SNTG1: variants seen among roughly 807,000 people sequenced by gnomAD.
The protein encoded by SNTG1 is gamma-1-syntrophin.
A neutral mutation model predicts 74.7 loss-of-function variants in SNTG1; 39 were observed. That is an observed-to-expected ratio of 0.52 (90% CI 0.40 to 0.68). SNTG1 has a LOEUF of 0.68. SNTG1 is among the 30% of genes least tolerant of loss of function. The probability of loss-of-function intolerance (pLI) is 0.00; values close to 1 mark genes in which losing one functional copy is unlikely to be tolerated. For synonymous variants in SNTG1, 254 were observed against 217.1 expected (o/e 1.17, Z -1.49); for missense variants, 685 against 609.5 (o/e 1.12, Z -1.30).
chr8:49,993,288 C>T (rs1230685156), intron 1 of SNTG1, among the ~76,000 whole-genome samples: 2 of 151,924 alleles, frequency 1.3e-5, no homozygotes, highest in African/African-American at 2.4e-5. Context: ...GATTCTTTGA[C>T]ACTCACTCTA....
intron 1 of SNTG1, among the ~76,000 whole-genome samples, chr8:49,990,397 C>T (rs1270207366): frequency 6.6e-6 from 1 of 151,906 alleles, no homozygotes; most frequent in African/African-American, 2.4e-5. Flanking sequence ...AGCTTGGTTA[C>T]TTATACAATT....
chr8:50,269,167 C>T (rs2130249385), intron 2 of SNTG1, among the ~76,000 whole-genome samples: 2 of 152,176 alleles, frequency 1.3e-5, no homozygotes, highest in Middle Eastern at 6.8e-3. Flanking sequence ...ATATCTAAAA[C>T]TGGGCTAAGA....
intron 2 of SNTG1, among the ~76,000 whole-genome samples, chr8:50,342,423 T>C (rs542525830): frequency 6.6e-6 from 1 of 152,282 alleles, no homozygotes; most frequent in East Asian, 1.9e-4. Context: ...CAAGAAATGT[T>C]CGTGGTGAAC....
intron 13 of SNTG1, among the ~76,000 whole-genome samples, chr8:50,612,275 T>G (rs1430281127): frequency 6.6e-6 from 1 of 152,186 alleles, no homozygotes; most frequent in African/African-American, 2.4e-5. Context: ...TACAGGATCT[T>G]TTACACATTC....
intron 1 of SNTG1, among the ~76,000 whole-genome samples, chr8:50,107,304 G>T (rs984906705): frequency 2.6e-5 from 4 of 152,034 alleles, no homozygotes; most frequent in Non-Finnish European, 1.5e-5. Context: ...TTAGCATTCT[G>T]GAAGGAATAT....
At chr8:50,286,318 G>T (rs2088780442) in intron 2 of SNTG1, among the ~76,000 whole-genome samples, 1 of 152,090 alleles carries the variant, frequency 6.6e-6, no homozygotes, top group African/African-American at 2.4e-5. Flanking sequence ...CCTATGTGGG[G>T]GCTGTATCTG....
intron 4 of SNTG1, among the ~76,000 whole-genome samples, chr8:50,409,529 C>G (rs2092921252): frequency 6.6e-6 from 1 of 152,160 alleles, no homozygotes. Flanking sequence ...GACTGTTGAT[C>G]AGAATGATGC....
intron 2 of SNTG1, among the ~76,000 whole-genome samples, chr8:50,191,724 C>G (rs755017818): frequency 7.9e-5 from 12 of 152,034 alleles, no homozygotes; most frequent in Non-Finnish European, 1.3e-4. Flanking sequence ...CTCTACCTCC[C>G]CTTTCTCCTC....
intron 13 of SNTG1, among the ~76,000 whole-genome samples, chr8:50,601,176 A>AAAAAAAAAAAAAAAAAAAAAAAAAAAC (rs2094772028): frequency 6.7e-6 from 1 of 148,662 alleles, no homozygotes; most frequent in African/African-American, 2.5e-5. Context: ...AAAAAAAAAA[A>AAAAAAAAAAAAAAAAAAAAAAAAAAAC]AAAAAAAAGA....
intron 18 of SNTG1, chr8:50,762,881 T>C (rs1433276941): frequency 6.7e-6 from 2 of 299,500 alleles, no homozygotes; most frequent in Non-Finnish European, 6.8e-6. Flanking sequence ...TTAGCTATTT[T>C]TAAATGTTTT....
chr8:50,386,492 TA>T (rs147000341), intron 2 of SNTG1, among the ~76,000 whole-genome samples: 7,377 of 152,124 alleles, frequency 0.048, 241 homozygotes, highest in Non-Finnish European at 0.07. Context: ...CGTCCTTCTT[TA>T]TGTGGCCCGA....
intron 1 of SNTG1, among the ~76,000 whole-genome samples, chr8:50,153,168 C>T (rs2082130883): frequency 1.3e-5 from 2 of 152,178 alleles, no homozygotes; most frequent in African/African-American, 4.8e-5. Context: ...TCTTCAATCA[C>T]TGATACCCTT....
chr8:50,093,371 ACAT>A (rs1363612444), intron 1 of SNTG1, among the ~76,000 whole-genome samples: 1 of 152,118 alleles, frequency 6.6e-6, no homozygotes, highest in Non-Finnish European at 1.5e-5. Flanking sequence ...AATCACATAG[ACAT>A]CATCATTACC....
chr8:50,394,285 C>A lies in SNTG1; in HGVS notation c.27+20C>A, dbSNP rs370247153. On this transcript the variant is annotated intron_variant, in intron 3 of 18. Coordinates refer to ENST00000642720, the MANE Select transcript of SNTG1 (RefSeq NM_018967.5). ...GAGGAGGTGAGTACAGAGCTTTCTG[C>A]TTTTCAAACAGGGAAAACAGAATAT... 1 of 1,608,828 alleles carries A rather than the reference C, an allele frequency of 6.2e-7. No homozygotes were observed. The highest frequency in any genetic ancestry group is 8.5e-7 in the Non-Finnish European group (1 of 1,177,002).
At position 49,911,574 on chromosome 8, in the gene SNTG1, AG is replaced by A. The variant is rs1218039195; in HGVS notation, c.-759del. The A allele has an allele frequency of 9.6e-6, 1 of 103,914 alleles. No individual in the cohort carries two copies. Among genetic ancestry groups the A allele is most frequent in the Non-Finnish European group, 2.3e-5 (1 of 42,692 alleles). The allele number at this position is 103,914 out of a possible 1,614,324, so 6.4% of individuals were successfully genotyped here. A position where few individuals can be genotyped will look rare whatever the true frequency, so the allele number is the denominator to read the frequency against. ...TACAAAAAAAAAAAAGAAAGAAAAA[AG>A]AAAAAAAAAAGAACCGGAGGGGAGA... is the stretch of plus-strand genomic sequence containing the variant. On this transcript the variant is annotated 5_prime_UTR_variant, in exon 1 of 19. Coordinates refer to ENST00000642720, the MANE Select transcript of SNTG1 (RefSeq NM_018967.5).
chr8:50,489,244 A>T (rs1349144638), intron 8 of SNTG1, among the ~76,000 whole-genome samples: 1 of 152,216 alleles, frequency 6.6e-6, no homozygotes, highest in East Asian at 1.9e-4. Flanking sequence ...ATACGTGTGC[A>T]TGTGTCTTTA....
intron 17 of SNTG1, among the ~76,000 whole-genome samples, chr8:50,721,671 A>G (rs951456209): frequency 3.3e-5 from 5 of 152,218 alleles, no homozygotes; most frequent in Non-Finnish European, 7.3e-5. Flanking sequence ...GAATAAAAGA[A>G]GAAATATATG....
At chr8:50,643,661 C>G (rs1203791019) in intron 13 of SNTG1, among the ~76,000 whole-genome samples, 2 of 152,106 alleles carry the variant, frequency 1.3e-5, no homozygotes, top group Non-Finnish European at 2.9e-5. Context: ...ATTAAGATTC[C>G]TCTTACAGAA....
intron 2 of SNTG1, among the ~76,000 whole-genome samples, chr8:50,354,803 C>A: frequency 6.6e-6 from 1 of 152,234 alleles, no homozygotes; most frequent in Non-Finnish European, 1.5e-5. Context: ...GTAGCTAAGG[C>A]AGAACTCAGC....
Sources: allele counts gnomAD v4.1 joint callset (sites outside exome capture counted in the v4.1 genomes callset), GRCh38; gene constraint gnomAD v4.1.1; transcripts MANE v1.5; gene names NCBI Gene and HGNC (gene_info 2026-07-23, HGNC 2026-07-21).